The following UTRN variants were observed in gnomAD, a reference collection of about 807,000 sequenced individuals.
UTRN encodes dystrophin-related protein 1.
In UTRN, 283 loss-of-function variants were observed where a neutral mutation model predicts 463.9. The observed-to-expected ratio is 0.61, with a 90% CI of 0.55 to 0.67. The LOEUF is 0.67. Ranked by LOEUF, UTRN falls within the 30% of genes least tolerant of loss-of-function variation. The pLI, the probability that UTRN is intolerant of heterozygous loss-of-function variation, is 0.00. For synonymous variants in UTRN, 1,442 were observed against 1,431.5 expected, an observed-to-expected ratio of 1.01 and a Z score of -0.17; for missense variants, 3,922 against 4,084.3, an observed-to-expected ratio of 0.96 and a Z score of 1.08.
intron 2 of UTRN, among the ~76,000 whole-genome samples, chr6:144,373,212 T>C (rs1457726800): frequency 3.9e-5 from 6 of 152,170 alleles, no homozygotes; most frequent in African/African-American, 1.4e-4. Context: ...CAAAAACTTG[T>C]ACATGGATAT....
chr6:144,742,940 T>C (rs1790268296), intron 54 of UTRN, among the ~76,000 whole-genome samples: 1 of 152,224 alleles, frequency 6.6e-6, no homozygotes, highest in Non-Finnish European at 1.5e-5. Context: ...ATAAATAAGG[T>C]ATTTGGAATT....
At chr6:144,665,471 A>T (rs1014404825) in intron 51 of UTRN, among the ~76,000 whole-genome samples, 2 of 152,256 alleles carry the variant, frequency 1.3e-5, no homozygotes, top group African/African-American at 4.8e-5. Flanking sequence ...ACTGTGAAAC[A>T]TTATAAACAA....
At chr6:144,459,475 G>A in intron 21 of UTRN, 121 bp downstream of exon 21, 1 of 1,115,598 alleles carries the variant, frequency 9.0e-7, no homozygotes, top group Non-Finnish European at 1.2e-6. Flanking sequence ...TTTCCTTTGT[G>A]CCTGTATTGT....
intron 53 of UTRN, among the ~76,000 whole-genome samples, chr6:144,725,928 C>T (rs1787826803): frequency 1.3e-5 from 2 of 152,162 alleles, no homozygotes; most frequent in South Asian, 2.1e-4. Flanking sequence ...TGGCATGGTT[C>T]CCACCTGCCC....
chr6:144,301,371 T>C (rs902309856), intron 2 of UTRN, among the ~76,000 whole-genome samples: 4 of 152,038 alleles, frequency 2.6e-5, no homozygotes, highest in African/African-American at 9.7e-5. Context: ...AACACATGCA[T>C]ATGCTTGCTG....
At chr6:144,649,174 T>A (rs530999558) in intron 51 of UTRN, among the ~76,000 whole-genome samples, 3 of 151,514 alleles carry the variant, frequency 2.0e-5, no homozygotes, top group Admixed American at 6.6e-5. Flanking sequence ...TGAATAGATT[T>A]AAAAAAAACA....
chr6:144,374,945 CAA>C (rs757547113), intron 2 of UTRN, among the ~76,000 whole-genome samples: 7 of 49,196 alleles, frequency 1.4e-4, no homozygotes, highest in Admixed American at 2.0e-4. Context: ...GACTCCATCT[CAA>C]AAAAAAAAAA....
At chr6:144,623,976 T>TA (rs1427026878) in intron 51 of UTRN, among the ~76,000 whole-genome samples, 3 of 152,190 alleles carry the variant, frequency 2.0e-5, no homozygotes, top group Non-Finnish European at 4.4e-5. Flanking sequence ...AACAAAGTCT[T>TA]ACAGTAATTC....
At chr6:144,561,209 A>T (rs1468467609) in intron 50 of UTRN, among the ~76,000 whole-genome samples, 7 of 3,402 alleles carry the variant, frequency 2.1e-3, no homozygotes, top group African/African-American at 4.6e-3. Flanking sequence ...ATAACATTAT[A>T]TATATATATA....
At chr6:144,850,201 A>G (rs1405450173) in intron 74 of UTRN, among the ~76,000 whole-genome samples, 2 of 152,192 alleles carry the variant, frequency 1.3e-5, no homozygotes, top group Admixed American at 6.5e-5. Context: ...TGCTGCTTTC[A>G]GCATACCTGG....
At chr6:144,662,639 G>A (rs1441518656) in intron 51 of UTRN, among the ~76,000 whole-genome samples, 1 of 152,152 alleles carries the variant, frequency 6.6e-6, no homozygotes, top group Non-Finnish European at 1.5e-5. Flanking sequence ...GGAATTTCAG[G>A]CTTTAAGAAA....
At chr6:144,426,030 A>G (rs772616516) in intron 6 of UTRN, among the ~76,000 whole-genome samples, 1 of 152,230 alleles carries the variant, frequency 6.6e-6, no homozygotes, top group Non-Finnish European at 1.5e-5. Context: ...TAGTACAAGT[A>G]TTGCTTAAGA....
At chr6:144,447,532 T>G in intron 15 of UTRN, 70 bp from the exon 16 acceptor site, 1 of 1,557,194 alleles carries the variant, frequency 6.4e-7, no homozygotes, top group Non-Finnish European at 8.7e-7. Context: ...ATGTTTAAAA[T>G]TTTTGGCTGG....
chr6:144,740,824 T>C (rs535337714), intron 54 of UTRN, among the ~76,000 whole-genome samples: 1 of 152,238 alleles, frequency 6.6e-6, no homozygotes. Flanking sequence ...AAGAATTATA[T>C]GATAAAGATT....
At chr6:144,363,652 G>A (rs1176035468) in intron 2 of UTRN, among the ~76,000 whole-genome samples, 3 of 152,126 alleles carry the variant, frequency 2.0e-5, no homozygotes, top group Admixed American at 6.5e-5. Flanking sequence ...TCATATAGGC[G>A]TGTATATATA....
chr6:144,464,032 A>G (rs1789686255), intron 23 of UTRN, among the ~76,000 whole-genome samples: 1 of 151,912 alleles, frequency 6.6e-6, no homozygotes, highest in Non-Finnish European at 1.5e-5. Context: ...TCTAAATATT[A>G]TATCTACATA....
chr6:144,637,727 G>A (rs1242637227), intron 51 of UTRN, among the ~76,000 whole-genome samples: 1 of 151,940 alleles, frequency 6.6e-6, no homozygotes, highest in Non-Finnish European at 1.5e-5. Context: ...ATGGACATTG[G>A]GTAATGATGT....
intron 51 of UTRN, among the ~76,000 whole-genome samples, chr6:144,620,128 C>T (rs1167039377): frequency 2.0e-5 from 3 of 152,062 alleles, no homozygotes; most frequent in African/African-American, 7.2e-5. Flanking sequence ...TTGAGCCTGG[C>T]TTATTTGGAG....
Position 144,291,821 on chromosome 6 carries a change from C to T in UTRN, c.-8C>T, listed in dbSNP as rs751994218. 4.2e-5 allele frequency: 67 copies of T among 1,610,250 alleles called. No homozygotes were observed. Among genetic ancestry groups the T allele is most frequent in the Non-Finnish European group, 5.7e-5 (67 of 1,178,606 alleles). ...AAAGTTTTTGGATTATCTTGAAACT[C>T]TGGCAAGATGGCCAAGTATGGAGAA... On this transcript the variant is annotated 5_prime_UTR_variant, in exon 2 of 75. Transcript: ENST00000367545.
Sources: gnomAD v4.1 joint callset for allele counts (sites outside exome capture counted in the v4.1 genomes callset) on GRCh38, gnomAD v4.1.1 for gene constraint, MANE v1.5 for transcripts, NCBI Gene and HGNC (gene_info 2026-07-23, HGNC 2026-07-21) for gene names.